CYB5R4: variants seen among roughly 807,000 people sequenced by gnomAD.
The protein encoded by CYB5R4 is cytochrome b5 reductase 4, also known as N-terminal cytochrome b5 and cytochrome b5 oxidoreductase domain-containing protein.
Under a neutral mutation model 70.2 loss-of-function variants are expected in CYB5R4, and 55 were observed. That is an observed-to-expected ratio of 0.78 (90% CI 0.63 to 0.98). The LOEUF is 0.98. CYB5R4 is among the 50% of genes least tolerant of loss of function. The probability of loss-of-function intolerance (pLI) is 0.00; values close to 1 mark genes in which losing one functional copy is unlikely to be tolerated. For missense variants in CYB5R4, 562 were observed against 612.6 expected (o/e 0.92, Z 0.87); for synonymous variants, 197 against 199.5 (o/e 0.99, Z 0.11).
intron 2 of CYB5R4, among the ~76,000 whole-genome samples, chr6:83,875,942 C>T (rs1314936306): frequency 6.6e-6 from 1 of 152,106 alleles, no homozygotes; most frequent in African/African-American, 2.4e-5. Context: ...CGGAATTTAG[C>T]CTGGCAGGTC....
chr6:83,920,908 A>T (rs959855316), intron 7 of CYB5R4, among the ~76,000 whole-genome samples, 174 bp from the exon 8 acceptor site: 1 of 152,192 alleles, frequency 6.6e-6, no homozygotes, highest in Non-Finnish European at 1.5e-5. Context: ...TGGTGTGTCA[A>T]TTGAAGGAGA....
intron 3 of CYB5R4, among the ~76,000 whole-genome samples, chr6:83,896,057 T>G (rs989504421): frequency 5.9e-5 from 9 of 152,152 alleles, no homozygotes; most frequent in African/African-American, 2.2e-4. Flanking sequence ...TCTTTCCTCT[T>G]TTTCCTTCTG....
At chr6:83,884,300 T>C (rs2099459926) in intron 2 of CYB5R4, among the ~76,000 whole-genome samples, 1 of 152,056 alleles carries the variant, frequency 6.6e-6, no homozygotes, top group Non-Finnish European at 1.5e-5. Context: ...ATAAGAGGTA[T>C]ACTTTAAAAA....
At chr6:83,922,957 T>G (rs1394100258) in intron 9 of CYB5R4, among the ~76,000 whole-genome samples, 1 of 151,230 alleles carries the variant, frequency 6.6e-6, no homozygotes, top group Admixed American at 6.6e-5. Context: ...ACCTGGCTAA[T>G]TTTTTTTTGT....
chr6:83,861,901 T>C (rs2099455995), intron 1 of CYB5R4, among the ~76,000 whole-genome samples: 1 of 152,238 alleles, frequency 6.6e-6, no homozygotes. Flanking sequence ...AGAAATATGC[T>C]GCAGGAAATT....
chr6:83,884,165 T>A (rs2099459899), intron 2 of CYB5R4, among the ~76,000 whole-genome samples: 1 of 151,780 alleles, frequency 6.6e-6, no homozygotes, highest in South Asian at 2.1e-4. Flanking sequence ...TTATAATAAT[T>A]ATCTATCATG....
At chr6:83,954,321 A>T (rs747229214) in intron 14 of CYB5R4, among the ~76,000 whole-genome samples, 2 of 152,216 alleles carry the variant, frequency 1.3e-5, no homozygotes, top group Non-Finnish European at 2.9e-5. Flanking sequence ...ATATCCTTAA[A>T]TTGCAGCCAG....
chr6:83,895,847 C>T (rs553022659), intron 3 of CYB5R4, among the ~76,000 whole-genome samples: 7 of 152,294 alleles, frequency 4.6e-5, no homozygotes, highest in East Asian at 1.9e-4. Flanking sequence ...CTAGAAACTA[C>T]AGTGACGCTT....
chr6:83,873,833 G>C (rs1382945305), intron 2 of CYB5R4, among the ~76,000 whole-genome samples: 2 of 152,120 alleles, frequency 1.3e-5, no homozygotes, highest in African/African-American at 4.8e-5. Context: ...GTGCTGTGCT[G>C]AGTGAAGATC....
chr6:83,864,252 A>C lies in CYB5R4; in HGVS notation c.153A>C (p.Lys51Asn), dbSNP rs771234677. ...GTGGAAAGGATCTAACGGGATTAAAAGGCAGGTTAATTGAAGTAACTGAAG... is the reference window on the plus strand; with the variant it reads ...GTGGAAAGGATCTAACGGGATTAAACGGCAGGTTAATTGAAGTAACTGAAG... ...TKSGKDLTGLKGRLIEVTEEE... is the reference protein window; with the variant it reads ...TKSGKDLTGLNGRLIEVTEEE... Residue 51 changes from lysine (K) to asparagine (N), a missense_variant, in exon 2 of 16, where the codon AAA becomes AAC. By Grantham distance (94) the Lys-to-Asn change is moderately conservative. Transcript: ENST00000369681. The C allele has an allele frequency of 1.9e-6, 3 of 1,613,638 alleles. No homozygotes were observed. Among genetic ancestry groups the C allele is most frequent in the South Asian group, 2.2e-5 (2 of 91,044 alleles).
intron 5 of CYB5R4, 116 bp downstream of exon 5, chr6:83,914,564 G>C: frequency 1.1e-6 from 1 of 899,042 alleles, no homozygotes; most frequent in Non-Finnish European, 1.5e-6. Context: ...TTGAGATGGA[G>C]TATTGCTTTG....
At chr6:83,949,387 A>G (rs117596377) in intron 14 of CYB5R4, among the ~76,000 whole-genome samples, 2,496 of 152,228 alleles carry the variant, frequency 0.016, 33 homozygotes, top group Middle Eastern at 0.037. Context: ...GTTGTATTTT[A>G]GTTAGCATTT....
In CYB5R4 at chr6:83,940,498, T is replaced by G. The variant is rs1204374353; in HGVS notation, c.1260-17T>G. The stretch of plus-strand genomic sequence containing the variant: ...GTAATTAATTAGTTATTTCTGAGTT[T>G]TTTTTTTTCTCTTAAGGAAAGTGAA... On this transcript the variant is annotated splice_polypyrimidine_tract_variant and intron_variant, in intron 13 of 15. Coordinates refer to ENST00000369681, the MANE Select transcript of CYB5R4 (RefSeq NM_016230.4). 1.3e-6 allele frequency: 2 copies of G among 1,559,096 alleles called. No individual in the cohort carries two copies. Among genetic ancestry groups the G allele is most frequent in the Non-Finnish European group, 1.7e-6 (2 of 1,160,046 alleles).
intron 3 of CYB5R4, among the ~76,000 whole-genome samples, chr6:83,899,773 C>G (rs1335642019): frequency 6.6e-6 from 1 of 152,174 alleles, no homozygotes; most frequent in Non-Finnish European, 1.5e-5. Flanking sequence ...ATAGTATTCT[C>G]TGATGGTAGC....
intron 3 of CYB5R4, among the ~76,000 whole-genome samples, chr6:83,906,812 A>G (rs1307728645): frequency 6.6e-6 from 1 of 152,140 alleles, no homozygotes; most frequent in Non-Finnish European, 1.5e-5. Context: ...TTTAGTGCAT[A>G]TTTATTTACT....
Position 83,966,221 on chromosome 6 carries a change from A to G in CYB5R4, c.*6343A>G, listed in dbSNP as rs2099474040. On this transcript the variant is annotated 3_prime_UTR_variant, in exon 16 of 16. Transcript: ENST00000369681. The stretch of plus-strand genomic sequence containing the variant: ...GTTATGGTTGCACATACTTATGAAT[A>G]TACCTAAAAATGTTGAATTGTACAT... 1 of 152,202 alleles carries G rather than the reference A, an allele frequency of 6.6e-6. No homozygotes were observed. Among genetic ancestry groups the G allele is most frequent in the Non-Finnish European group, 1.5e-5 (1 of 68,038 alleles). 9.4% of individuals were successfully genotyped at this position (152,202 alleles called of 1,614,324 possible). A position where few individuals can be genotyped will look rare whatever the true frequency, so the allele number is the denominator to read the frequency against.
At chr6:83,919,939 C>T (rs2099466109) in intron 7 of CYB5R4, among the ~76,000 whole-genome samples, 1 of 151,982 alleles carries the variant, frequency 6.6e-6, no homozygotes, top group Non-Finnish European at 1.5e-5. Flanking sequence ...TGTTCAGATG[C>T]CCATTTGAAA....
chr6:83,939,418 A>C (rs1325469), intron 12 of CYB5R4, among the ~76,000 whole-genome samples: 1 of 152,030 alleles, frequency 6.6e-6, no homozygotes, highest in African/African-American at 2.4e-5. Flanking sequence ...TTGGTAAGTG[A>C]CATGCTCCAA....
At chr6:83,879,231 G>A (rs1321663962) in intron 2 of CYB5R4, among the ~76,000 whole-genome samples, 1 of 151,944 alleles carries the variant, frequency 6.6e-6, no homozygotes, top group African/African-American at 2.4e-5. Flanking sequence ...TGTGGCAGCT[G>A]GACTTTGCCT....
Sources: allele counts gnomAD v4.1 joint callset (sites outside exome capture counted in the v4.1 genomes callset), GRCh38; gene constraint gnomAD v4.1.1; transcripts MANE v1.5; gene names NCBI Gene and HGNC (gene_info 2026-07-23, HGNC 2026-07-21).